KCNAB2: variants seen among roughly 807,000 people sequenced by gnomAD.
The protein encoded by KCNAB2 is voltage-gated potassium channel subunit beta-2.
A neutral mutation model predicts 63.6 loss-of-function variants in KCNAB2; 29 were observed. That is an observed-to-expected ratio of 0.46 (90% CI 0.34 to 0.62). The LOEUF (loss-of-function observed/expected upper bound fraction) is 0.62, where lower values mean the gene tolerates loss of function less well. Among genes scored for constraint, KCNAB2 ranks in the 20% least tolerant of loss-of-function variants. KCNAB2 has a pLI of 0.01. For synonymous variants in KCNAB2, 222 were observed against 224.2 expected (o/e 0.99, Z 0.09); for missense variants, 359 against 563.9 (o/e 0.64, Z 3.68).
intron 1 of KCNAB2, chr1:6,027,219 A>AGTGTGTGTGT (rs70981306): frequency 1.4e-5 from 2 of 141,334 alleles, no homozygotes; most frequent in African/African-American, 5.4e-5. Flanking sequence ...TGGGGGACAC[A>AGTGTGTGTGT]GTGTGTGTGT....
intron 2 of KCNAB2, among the ~76,000 whole-genome samples, chr1:6,064,903 T>C (rs982071603): frequency 6.6e-6 from 1 of 152,186 alleles, no homozygotes; most frequent in Non-Finnish European, 1.5e-5. Flanking sequence ...GGGGCTTCAT[T>C]CAGCCATTCA....
chr1:6,086,338 C>T lies in KCNAB2; in HGVS notation c.425+1090C>T, dbSNP rs1664695122. The T allele has an allele frequency of 3.0e-6, 3 of 985,368 alleles. No individual in the cohort carries two copies. The African/African-American group carries it at 5.2e-5, about 17-fold the overall frequency. The allele number at this position is 985,368 out of a possible 1,614,324, so 61.0% of individuals were successfully genotyped here. A position where few individuals can be genotyped will look rare whatever the true frequency, so the allele number is the denominator to read the frequency against. On this transcript the variant is annotated intron_variant, in intron 6 of 15. Transcript: ENST00000378083. The surrounding 1 kb of genome is among the most constrained non-coding windows in gnomAD (Gnocchi z 4.2). Reference sequence around the variant, plus strand: ...GATCCCAAAACAAATTCCTCCTCACCCTGTAATTAAACGAAATTGCACGTA... The same window carrying T: ...GATCCCAAAACAAATTCCTCCTCACTCTGTAATTAAACGAAATTGCACGTA...
At position 6,071,836 on chromosome 1, in the gene KCNAB2, C is replaced by A. The variant is rs532856645; in HGVS notation, c.219-919C>A. On this transcript the variant is annotated intron_variant, in intron 2 of 15. Transcript: ENST00000378083. This position sits in a 1 kb window ranked among gnomAD's most constrained non-coding sequence, Gnocchi z 8.5. Reference sequence around the variant, plus strand: ...CGAGGGCACCTCCTGCCGCATAGGGCACCTCCTGCCGCGAGGGCACCTCCT... The same window carrying A: ...CGAGGGCACCTCCTGCCGCATAGGGAACCTCCTGCCGCGAGGGCACCTCCT... 6.7e-6 allele frequency among the ~76,000 whole-genome samples: 1 copy of A among 149,470 alleles called. No homozygotes were observed. Among genetic ancestry groups the A allele is most frequent in the African/African-American group, 2.5e-5 (1 of 40,594 alleles).
chr1:6,009,523 CT>C (rs1201810739), intron 1 of KCNAB2, among the ~76,000 whole-genome samples: 2 of 152,264 alleles, frequency 1.3e-5, no homozygotes, highest in African/African-American at 4.8e-5. Flanking sequence ...ACTGTCCAGC[CT>C]GATTCTGTTC....
At chr1:6,095,707 G>A in intron 13 of KCNAB2, 83 bp downstream of exon 13, 4 of 1,314,776 alleles carry the variant, frequency 3.0e-6, no homozygotes, top group Non-Finnish European at 3.3e-6. Flanking sequence ...CTGCTTTGGT[G>A]CTGGGCAGGG....
chr1:6,046,625 G>A (rs1173498048), intron 1 of KCNAB2, among the ~76,000 whole-genome samples: 2 of 152,252 alleles, frequency 1.3e-5, no homozygotes, highest in African/African-American at 4.8e-5. Flanking sequence ...GGAGCCAGGG[G>A]CTGCTTGTTT....
In KCNAB2 at chr1:6,098,946, G is replaced by A; in HGVS notation, c.*372G>A. ...AAAGTCAAGGCCAGGCCAAGGCCTG[G>A]TTGGGTCCTTGGGGCGGGCAGGGCC... On this transcript the variant is annotated 3_prime_UTR_variant, in exon 16 of 16. Transcript: ENST00000378083. The A allele has an allele frequency of 5.2e-6, 1 of 193,654 alleles. No homozygotes were observed. Among genetic ancestry groups the A allele is most frequent in the Non-Finnish European group, 1.1e-5 (1 of 94,766 alleles). 12.0% of individuals were successfully genotyped at this position (193,654 alleles called of 1,614,324 possible).
chr1:6,027,017 G>A (rs1183794691), intron 1 of KCNAB2, among the ~76,000 whole-genome samples: 1 of 152,192 alleles, frequency 6.6e-6, no homozygotes, highest in Admixed American at 6.5e-5. Flanking sequence ...CAGTGGTGGG[G>A]GATAAAGACC....
intron 9 of KCNAB2, among the ~76,000 whole-genome samples, chr1:6,090,795 G>A (rs1665126207): frequency 6.6e-6 from 1 of 152,180 alleles, no homozygotes; most frequent in Non-Finnish European, 1.5e-5. Flanking sequence ...CTGCTATTTT[G>A]CAGCTAAGTG....
chr1:6,058,588 C>T (rs1252221216), intron 2 of KCNAB2, among the ~76,000 whole-genome samples: 1 of 152,252 alleles, frequency 6.6e-6, no homozygotes, highest in Admixed American at 6.5e-5. Context: ...CCCTTCCCGT[C>T]CCTGGAAAAG....
chr1:6,016,573 G>A (rs1658512798), intron 1 of KCNAB2, among the ~76,000 whole-genome samples: 1 of 152,238 alleles, frequency 6.6e-6, no homozygotes, highest in East Asian at 1.9e-4. Flanking sequence ...CATGTGACTG[G>A]ACAGGCGTCT....
intron 1 of KCNAB2, 89 bp downstream of exon 1, chr1:6,046,272 A>G (rs1251095560): frequency 1.1e-6 from 1 of 898,392 alleles, no homozygotes; most frequent in East Asian, 1.2e-4. Context: ...AGAGGAGACC[A>G]TATTTTGGGG....
intron 1 of KCNAB2, chr1:5,996,143 A>G (rs1217048530): frequency 2.6e-5 from 4 of 152,364 alleles, no homozygotes; most frequent in African/African-American, 4.8e-5. Context: ...GGCAAAGGGA[A>G]CAGGACCCTC....
In KCNAB2 at chr1:6,096,540, G is replaced by A; in HGVS notation, c.949-96G>A. 6.9e-7 allele frequency: 1 copy of A among 1,440,720 alleles called. No homozygotes were observed. Among genetic ancestry groups the A allele is most frequent in the African/African-American group, 1.4e-5 (1 of 70,642 alleles). 89.2% of individuals were successfully genotyped at this position (1,440,720 alleles called of 1,614,324 possible). A position where few individuals can be genotyped will look rare whatever the true frequency, so the allele number is the denominator to read the frequency against. ...GAGAAGAGCCCCTATGAGGGAGAAG[G>A]GTCCAGAAGGAATGAGCCCATCGGC... On this transcript the variant is annotated intron_variant, in intron 13 of 15. Transcript: ENST00000378083. The surrounding 1 kb of genome is among the most constrained non-coding windows in gnomAD (Gnocchi z 5.9).
chr1:6,096,053 G>T lies in KCNAB2; in HGVS notation c.948+429G>T. The T allele has an allele frequency of 2.2e-6, 1 of 459,566 alleles. No individual in the cohort carries two copies. The highest frequency in any genetic ancestry group is 1.5e-5 in the South Asian group (1 of 64,572). The allele number at this position is 459,566 out of a possible 1,614,324, so 28.5% of individuals were successfully genotyped here. A position where few individuals can be genotyped will look rare whatever the true frequency, so the allele number is the denominator to read the frequency against. ...CTCCCCACCACACAACCTCTGAGTG[G>T]GGACTCAGGAGGGTCCCCAGACTGC... On this transcript the variant is annotated intron_variant, in intron 13 of 15. Transcript: ENST00000378083. This position sits in a 1 kb window ranked among gnomAD's most constrained non-coding sequence, Gnocchi z 5.9.
intron 2 of KCNAB2, among the ~76,000 whole-genome samples, chr1:6,058,543 T>C (rs1329764653): frequency 6.6e-6 from 1 of 152,208 alleles, no homozygotes; most frequent in Non-Finnish European, 1.5e-5. Context: ...AACTCAAAGC[T>C]CCAGGCTTGG....
Position 6,096,521 on chromosome 1 carries a change from A to T in KCNAB2, c.949-115A>T. On this transcript the variant is annotated intron_variant, in intron 13 of 15. Transcript: ENST00000378083. The surrounding 1 kb of genome is among the most constrained non-coding windows in gnomAD (Gnocchi z 5.9). ...ACTGCCCTGGCTTCAAGATGAGAAG[A>T]GCCCCTATGAGGGAGAAGGGTCCAG... The T allele has an allele frequency of 7.4e-7, 1 of 1,350,870 alleles. No homozygotes were observed. The highest frequency in any genetic ancestry group is 9.9e-7 in the Non-Finnish European group (1 of 1,006,128). The allele number at this position is 1,350,870 out of a possible 1,614,324, so 83.7% of individuals were successfully genotyped here.
intron 4 of KCNAB2, among the ~76,000 whole-genome samples, chr1:6,080,449 C>T (rs1664100238): frequency 6.6e-6 from 1 of 152,148 alleles, no homozygotes; most frequent in South Asian, 2.1e-4. Flanking sequence ...CATTTGATAC[C>T]TCAGGGCAGT....
At chr1:6,045,775 C>T (rs1158922895), upstream of KCNAB2, 5 of 395,668 alleles carry the variant, frequency 1.3e-5, no homozygotes, top group Non-Finnish European at 1.7e-5. This position sits in a 1 kb window ranked among gnomAD's most constrained non-coding sequence, Gnocchi z 4.8. Context: ...ACCTGTGGGT[C>T]CAAAGGTTTG....
Sources: allele counts gnomAD v4.1 joint callset (sites outside exome capture counted in the v4.1 genomes callset), GRCh38; gene constraint gnomAD v4.1.1; non-coding constraint Gnocchi (gnomAD v3.1); transcripts MANE v1.5; gene names NCBI Gene and HGNC (gene_info 2026-07-23, HGNC 2026-07-21).